Variants in NXPH2 observed in about 807,000 individuals in gnomAD.
The protein encoded by NXPH2 is neurexophilin-2.
A neutral mutation model predicts 19.8 loss-of-function variants in NXPH2; 5 were observed. The ratio of observed to expected loss-of-function variants is 0.25; its 90% CI spans 0.13 to 0.53. The LOEUF (loss-of-function observed/expected upper bound fraction) is 0.53, where lower values mean the gene tolerates loss of function less well. NXPH2 is among the 20% of genes least tolerant of loss of function. The pLI is 0.96. For missense variants in NXPH2, 289 were observed against 322.8 expected (o/e 0.90, Z 0.80); for synonymous variants, 154 against 127.4 (o/e 1.21, Z -1.41).
At chr2:138,701,394 A>G (rs1384817743) in intron 1 of NXPH2, among the ~76,000 whole-genome samples, 1 of 152,076 alleles carries the variant, frequency 6.6e-6, no homozygotes, top group Non-Finnish European at 1.5e-5. Flanking sequence ...GAAAAGAAAT[A>G]GGAATACAAA....
At chr2:138,705,297 T>C (rs2104984524) in intron 1 of NXPH2, among the ~76,000 whole-genome samples, 1 of 152,268 alleles carries the variant, frequency 6.6e-6, no homozygotes, top group South Asian at 2.1e-4. Context: ...TTAAGATCCT[T>C]TTTTTCCTTC....
chr2:138,778,960 C>T (rs988890175), intron 1 of NXPH2, among the ~76,000 whole-genome samples: 1 of 152,190 alleles, frequency 6.6e-6, no homozygotes, highest in Non-Finnish European at 1.5e-5. Context: ...GCATGGACCA[C>T]GGGCATCTCA....
intron 1 of NXPH2, among the ~76,000 whole-genome samples, chr2:138,683,751 T>C (rs1187718947): frequency 6.6e-6 from 1 of 152,204 alleles, no homozygotes; most frequent in Non-Finnish European, 1.5e-5. Context: ...CTTTTTGCTG[T>C]TGTTGTGTTT....
chr2:138,683,507 C>A (rs1166444164), intron 1 of NXPH2, among the ~76,000 whole-genome samples: 4 of 152,174 alleles, frequency 2.6e-5, no homozygotes, highest in African/African-American at 9.6e-5. Context: ...GAAGAAGACA[C>A]ACGCGGTGTG....
At chr2:138,754,773 T>C (rs1044115978) in intron 1 of NXPH2, among the ~76,000 whole-genome samples, 7 of 152,152 alleles carry the variant, frequency 4.6e-5, no homozygotes, top group Non-Finnish European at 8.8e-5. Context: ...CAAACTGTCT[T>C]CCAAATATTA....
chr2:138,684,768 C>A (rs923777574), intron 1 of NXPH2, among the ~76,000 whole-genome samples: 7 of 152,206 alleles, frequency 4.6e-5, no homozygotes, highest in African/African-American at 1.2e-4. Flanking sequence ...GGCTGCCCTG[C>A]CCTCTTAGCC....
At chr2:138,705,125 T>C (rs10193985) in intron 1 of NXPH2, among the ~76,000 whole-genome samples, 38,656 of 151,830 alleles carry the variant, frequency 0.25, 6,091 homozygotes, top group Non-Finnish European at 0.36. Flanking sequence ...CCACACTTGG[T>C]CTTTTAAAAA....
chr2:138,761,060 T>C lies in NXPH2; in HGVS notation c.51+19131A>G, dbSNP rs1285826932. 2.0e-5 allele frequency among the ~76,000 whole-genome samples: 3 copies of C among 152,292 alleles called. No individual in the cohort carries two copies. The East Asian group carries it at 5.8e-4, about 29-fold the overall frequency. On this transcript the variant is annotated intron_variant, in intron 1 of 1. Transcript: ENST00000272641. ...CCCTGCCAGGTAAGCATCTATCTTA[T>C]AGGGATTTTCAGGGTGCCAGAGTTT... is the stretch of plus-strand genomic sequence containing the variant.
intron 1 of NXPH2, among the ~76,000 whole-genome samples, chr2:138,776,943 C>T (rs767199484): frequency 3.9e-4 from 59 of 152,130 alleles, no homozygotes; most frequent in Non-Finnish European, 7.1e-4. Flanking sequence ...TGCCAACTTA[C>T]ATTGCTTTTA....
At chr2:138,681,982 C>A (rs1310626940) in intron 1 of NXPH2, among the ~76,000 whole-genome samples, 1 of 152,074 alleles carries the variant, frequency 6.6e-6, no homozygotes, top group Non-Finnish European at 1.5e-5. Flanking sequence ...TTACAGATCC[C>A]TTTACAGTTG....
intron 1 of NXPH2, among the ~76,000 whole-genome samples, chr2:138,687,311 G>C (rs12173729): frequency 6.6e-6 from 1 of 152,186 alleles, no homozygotes; most frequent in African/African-American, 2.4e-5. Context: ...CAGTGATGAT[G>C]AGCATTTTTT....
At chr2:138,691,410 C>G (rs1178572324) in intron 1 of NXPH2, among the ~76,000 whole-genome samples, 1 of 152,144 alleles carries the variant, frequency 6.6e-6, no homozygotes, top group Non-Finnish European at 1.5e-5. Flanking sequence ...CTATCATGCA[C>G]AGATTGAATG....
chr2:138,694,918 C>T (rs758473741), intron 1 of NXPH2, among the ~76,000 whole-genome samples: 1 of 152,076 alleles, frequency 6.6e-6, no homozygotes, highest in Non-Finnish European at 1.5e-5. Context: ...GTACTACATA[C>T]ACCTAGATGT....
chr2:138,771,235 T>TA (rs1311822644), intron 1 of NXPH2, among the ~76,000 whole-genome samples: 1 of 152,084 alleles, frequency 6.6e-6, no homozygotes, highest in African/African-American at 2.4e-5. Context: ...TGCCATGAAA[T>TA]ACAGTGAATC....
At chr2:138,726,632 C>T (rs1278639523) in intron 1 of NXPH2, among the ~76,000 whole-genome samples, 2 of 151,434 alleles carry the variant, frequency 1.3e-5, no homozygotes, top group African/African-American at 4.9e-5. Context: ...TTTAAATAGG[C>T]TTTATTTTAT....
chr2:138,768,145 T>A (rs536588807), intron 1 of NXPH2, among the ~76,000 whole-genome samples: 32 of 152,342 alleles, frequency 2.1e-4, no homozygotes, highest in African/African-American at 7.5e-4. Context: ...TTGGGCATTT[T>A]AAAAATTATA....
rs555615219 is a variant in NXPH2 at position 138,749,606 on chromosome 2, T to C, written c.51+30585A>G. ...ATGCTTTATCTTTCATCTGCCTCTT[T>C]ATCCTGAGCAGAATTATTAGTGTAA... On this transcript the variant is annotated intron_variant, in intron 1 of 1. Coordinates refer to ENST00000272641, the MANE Select transcript of NXPH2 (RefSeq NM_007226.3). 4.6e-5 allele frequency among the ~76,000 whole-genome samples: 7 copies of C among 152,306 alleles called. No individual in the cohort carries two copies. The South Asian group carries it at 1.4e-3, about 32-fold the overall frequency.
intron 1 of NXPH2, among the ~76,000 whole-genome samples, chr2:138,753,376 G>A (rs1396249637): frequency 6.6e-6 from 1 of 151,968 alleles, no homozygotes; most frequent in Non-Finnish European, 1.5e-5. Context: ...TTACTTTCTG[G>A]CACTACAAGA....
intron 1 of NXPH2, among the ~76,000 whole-genome samples, chr2:138,709,352 T>C (rs999576557): frequency 2.0e-5 from 3 of 152,180 alleles, no homozygotes; most frequent in Non-Finnish European, 4.4e-5. Context: ...TTTGTCATCT[T>C]AACCATTATT....
Sources: gnomAD v4.1 joint callset for allele counts (sites outside exome capture counted in the v4.1 genomes callset) on GRCh38, gnomAD v4.1.1 for gene constraint, MANE v1.5 for transcripts, NCBI Gene and HGNC (gene_info 2026-07-23, HGNC 2026-07-21) for gene names.